Variants in CD2AP observed in about 807,000 individuals in gnomAD.
The protein encoded by CD2AP is CD2-associated protein.
Under a neutral mutation model 85.1 loss-of-function variants are expected in CD2AP, and 46 were observed. The observed-to-expected ratio is 0.54, with a 90% CI of 0.43 to 0.69. The LOEUF (loss-of-function observed/expected upper bound fraction) is 0.69, where lower values mean the gene tolerates loss of function less well. CD2AP is among the 30% of genes least tolerant of loss of function. The pLI is 0.00. For synonymous variants in CD2AP, 255 were observed against 252.9 expected (o/e 1.01, Z -0.08); for missense variants, 769 against 729.5 (o/e 1.05, Z -0.62).
chr6:47,621,898 T>A (rs747885391), intron 17 of CD2AP, among the ~76,000 whole-genome samples: 2 of 152,060 alleles, frequency 1.3e-5, no homozygotes, highest in Non-Finnish European at 2.9e-5. Flanking sequence ...GGCGGGGCCG[T>A]AGAACTCCCA....
chr6:47,489,967 C>CT (rs71684059), intron 1 of CD2AP, among the ~76,000 whole-genome samples: 6,929 of 121,102 alleles, frequency 0.057, 356 homozygotes, highest in East Asian at 0.19. Flanking sequence ...TCTAAAGAGA[C>CT]TTTTTTTTTT....
At chr6:47,535,161 T>C (rs1036778890) in intron 3 of CD2AP, among the ~76,000 whole-genome samples, 1 of 152,200 alleles carries the variant, frequency 6.6e-6, no homozygotes, top group Admixed American at 6.5e-5. Flanking sequence ...TGTCCCATTA[T>C]TGGAATGCTA....
intron 11 of CD2AP, among the ~76,000 whole-genome samples, chr6:47,593,610 A>G (rs1307958228): frequency 6.6e-6 from 1 of 152,084 alleles, no homozygotes; most frequent in African/African-American, 2.4e-5. Context: ...GCACCACTTC[A>G]CACCCACTGA....
intron 2 of CD2AP, among the ~76,000 whole-genome samples, chr6:47,526,955 G>T (rs1766744439): frequency 6.6e-6 from 1 of 152,056 alleles, no homozygotes; most frequent in Admixed American, 6.5e-5. Flanking sequence ...AAACTGTGAG[G>T]TTGATGGGTG....
At chr6:47,575,583 G>T (rs1768286833) in intron 6 of CD2AP, among the ~76,000 whole-genome samples, 1 of 152,164 alleles carries the variant, frequency 6.6e-6, no homozygotes, top group East Asian at 1.9e-4. Context: ...ACTAAAGTAA[G>T]TATTTTAGAA....
At chr6:47,587,369 T>C (rs1012014859) in intron 11 of CD2AP, among the ~76,000 whole-genome samples, 2 of 152,202 alleles carry the variant, frequency 1.3e-5, no homozygotes, top group Admixed American at 6.6e-5. Flanking sequence ...TTTTGGACTC[T>C]TAAGTGATTC....
At chr6:47,513,628 C>T (rs1362542455) in intron 2 of CD2AP, among the ~76,000 whole-genome samples, 1 of 151,964 alleles carries the variant, frequency 6.6e-6, no homozygotes, top group Non-Finnish European at 1.5e-5. Flanking sequence ...TTTCTAATCT[C>T]TGCATAGTAT....
intron 2 of CD2AP, among the ~76,000 whole-genome samples, chr6:47,521,141 G>GA (rs1171421137): frequency 6.6e-6 from 1 of 152,092 alleles, no homozygotes; most frequent in Non-Finnish European, 1.5e-5. Flanking sequence ...TTCTGTAAGG[G>GA]AAAATCTAGA....
chr6:47,594,769 C>G (rs773558187), intron 11 of CD2AP, among the ~76,000 whole-genome samples: 8 of 151,882 alleles, frequency 5.3e-5, no homozygotes, highest in Non-Finnish European at 8.8e-5. Context: ...GCTATATTTT[C>G]ATATGATTCA....
In CD2AP at chr6:47,503,336, C is replaced by A. The variant is rs1409804457; in HGVS notation, c.61C>A (p.Arg21=). The A allele has an allele frequency of 2.5e-6, 4 of 1,613,256 alleles. No homozygotes were observed. Among genetic ancestry groups the A allele is most frequent in the Non-Finnish European group, 3.4e-6 (4 of 1,179,572 alleles). ...DAVHDDELTI[R]VGEIIRNVKK... The stretch of plus-strand genomic sequence containing the variant: ...TGTACATGATGATGAATTAACTATT[C>A]GAGTTGGAGAAATCATCAGGAATGT... The change falls in exon 2 of 18, where the codon CGA becomes AGA. Residue 21 remains arginine (R), a synonymous_variant. Transcript: ENST00000359314.
intron 1 of CD2AP, among the ~76,000 whole-genome samples, chr6:47,485,130 T>C (rs1453581025): frequency 6.6e-6 from 1 of 152,246 alleles, no homozygotes; most frequent in East Asian, 1.9e-4. Flanking sequence ...TACTGGCTTA[T>C]GTATTTACTA....
At chr6:47,597,549 T>C (rs1383981414) in intron 12 of CD2AP, among the ~76,000 whole-genome samples, 1 of 151,022 alleles carries the variant, frequency 6.6e-6, no homozygotes, top group African/African-American at 2.4e-5. Flanking sequence ...TAGTGAATAG[T>C]GTTCATGGCA....
intron 17 of CD2AP, among the ~76,000 whole-genome samples, chr6:47,615,636 C>T (rs1769556012): frequency 6.6e-6 from 1 of 151,956 alleles, no homozygotes; most frequent in African/African-American, 2.4e-5. Flanking sequence ...ATCTAAACAC[C>T]CCATGATCCA....
intron 3 of CD2AP, among the ~76,000 whole-genome samples, chr6:47,544,182 C>T (rs1369392448): frequency 2.0e-5 from 3 of 152,176 alleles, no homozygotes; most frequent in Non-Finnish European, 4.4e-5. Context: ...GTACATCTTA[C>T]TGCTTCTTTC....
rs769564467 is a variant in CD2AP, at chr6:47,625,065, A to C, written c.*838A>C. 6.6e-6 allele frequency: 1 copy of C among 151,954 alleles called. No homozygotes were observed. Among genetic ancestry groups the C allele is most frequent in the Admixed American group, 6.5e-5 (1 of 15,270 alleles). 9.4% of individuals were successfully genotyped at this position (151,954 alleles called of 1,614,324 possible). A position where few individuals can be genotyped will look rare whatever the true frequency, so the allele number is the denominator to read the frequency against. On this transcript the variant is annotated 3_prime_UTR_variant, in exon 18 of 18. Transcript: ENST00000359314. ...TTTAACCCTTAACTTGTGCCTAGAA[A>C]CTACAGCACATATAAAATATGTAAA...
At chr6:47,618,269 G>A (rs1168561461) in intron 17 of CD2AP, among the ~76,000 whole-genome samples, 2 of 152,054 alleles carry the variant, frequency 1.3e-5, no homozygotes, top group African/African-American at 2.4e-5. Context: ...GCTGTGAGCC[G>A]ATATCATGCC....
chr6:47,533,514 T>TCTACA, intron 2 of CD2AP, 88 bp from the exon 3 acceptor site: 1 of 1,203,934 alleles, frequency 8.3e-7, no homozygotes, highest in Non-Finnish European at 1.2e-6. Context: ...TAGTAATTAC[T>TCTACA]GTAGCTATTT....
chr6:47,587,715 G>A (rs1231779210), intron 11 of CD2AP, among the ~76,000 whole-genome samples: 1 of 152,110 alleles, frequency 6.6e-6, no homozygotes, highest in Admixed American at 6.6e-5. Context: ...AAGTAGGGAG[G>A]CATGTAAATG....
rs140527269 is a variant in CD2AP, at chr6:47,575,010, G to C, written c.729+759G>C. ...TTAAAGACTGTGTTTTGGTTATTGA[G>C]ATACTATTAAGTTTCCTCCTAAGAT... is the stretch of plus-strand genomic sequence containing the variant. On this transcript the variant is annotated intron_variant, in intron 6 of 17. Coordinates refer to ENST00000359314, the MANE Select transcript of CD2AP (RefSeq NM_012120.3). Among the ~76,000 whole-genome samples the C allele has an allele frequency of 3.6e-3, 546 of 152,278 alleles. 2 individuals are homozygous for C. Among genetic ancestry groups the C allele is most frequent in the African/African-American group, 0.012 (518 of 41,550 alleles).
Sources: gnomAD v4.1 joint callset for allele counts (sites outside exome capture counted in the v4.1 genomes callset) on GRCh38, gnomAD v4.1.1 for gene constraint, MANE v1.5 for transcripts, NCBI Gene and HGNC (gene_info 2026-07-23, HGNC 2026-07-21) for gene names.